The following RSU1 variants were observed in gnomAD, a reference collection of about 807,000 sequenced individuals.
RSU1 encodes rsu-1.
RSU1 carries 26 observed loss-of-function variants against 31.1 expected under a neutral mutation model. The ratio of observed to expected loss-of-function variants is 0.84; its 90% CI spans 0.61 to 1.16. The LOEUF is 1.16. Ranked by LOEUF, RSU1 falls within the 50% of genes most tolerant of loss-of-function variation. The pLI is 0.00. For missense variants in RSU1, 320 were observed against 339.1 expected, an observed-to-expected ratio of 0.94 and a Z score of 0.44; for synonymous variants, 164 against 136.3, an observed-to-expected ratio of 1.20 and a Z score of -1.41.
At chr10:16,750,361 C>T (rs1420069085) in intron 7 of RSU1, among the ~76,000 whole-genome samples, 3 of 152,040 alleles carry the variant, frequency 2.0e-5, no homozygotes, top group East Asian at 1.9e-4. Context: ...ACATACGGCT[C>T]GCAAAAATAA....
At chr10:16,647,404 G>A (rs1449844772) in intron 8 of RSU1, among the ~76,000 whole-genome samples, 3 of 152,112 alleles carry the variant, frequency 2.0e-5, no homozygotes, top group African/African-American at 2.4e-5. Context: ...CTAGGTACAC[G>A]CCCAAGACAA....
At chr10:16,652,898 G>C (rs1194212516) in intron 8 of RSU1, among the ~76,000 whole-genome samples, 1 of 151,794 alleles carries the variant, frequency 6.6e-6, no homozygotes, top group African/African-American at 2.4e-5. Context: ...AGGCTGGTTT[G>C]AAACTCTTAG....
intron 7 of RSU1, among the ~76,000 whole-genome samples, chr10:16,708,469 C>T (rs1358543553): frequency 6.6e-6 from 1 of 152,114 alleles, no homozygotes; most frequent in Non-Finnish European, 1.5e-5. Flanking sequence ...CAGTTTAAAT[C>T]TAAGTTCTTT....
intron 8 of RSU1, among the ~76,000 whole-genome samples, chr10:16,652,392 C>CAAAAAAAAAAA (rs71505091): frequency 2.2e-5 from 2 of 89,158 alleles, no homozygotes; most frequent in Non-Finnish European, 4.4e-5. Flanking sequence ...TGCCCCAAAG[C>CAAAAAAAAAAA]AAAAAAAAAA....
At chr10:16,720,685 G>C (rs1328932906) in intron 7 of RSU1, among the ~76,000 whole-genome samples, 2 of 152,228 alleles carry the variant, frequency 1.3e-5, no homozygotes, top group Non-Finnish European at 2.9e-5. Context: ...TGGATGTCTT[G>C]TGTGTATGTG....
chr10:16,802,610 A>ATC (rs1838181995), intron 2 of RSU1, among the ~76,000 whole-genome samples: 1 of 152,130 alleles, frequency 6.6e-6, no homozygotes, highest in African/African-American at 2.4e-5. Flanking sequence ...CTACAGACCA[A>ATC]TCTCTCTCAT....
At chr10:16,791,818 A>T (rs1204575175) in intron 2 of RSU1, among the ~76,000 whole-genome samples, 1 of 152,200 alleles carries the variant, frequency 6.6e-6, no homozygotes, top group African/African-American at 2.4e-5. Context: ...CAGCCCTGTA[A>T]GATGACATTA....
intron 2 of RSU1, among the ~76,000 whole-genome samples, chr10:16,800,141 G>C (rs1400868715): frequency 1.3e-5 from 2 of 152,128 alleles, no homozygotes; most frequent in Non-Finnish European, 2.9e-5. Flanking sequence ...CGCACTAAAA[G>C]CCTATTTACC....
At chr10:16,717,349 A>G (rs1265568218) in intron 7 of RSU1, among the ~76,000 whole-genome samples, 1 of 152,234 alleles carries the variant, frequency 6.6e-6, no homozygotes, top group East Asian at 1.9e-4. Flanking sequence ...AAAAACTGCA[A>G]CAACTGTAAC....
intron 2 of RSU1, among the ~76,000 whole-genome samples, chr10:16,788,980 GAA>G (rs1419959903): frequency 1.3e-5 from 2 of 152,106 alleles, no homozygotes; most frequent in Non-Finnish European, 2.9e-5. Context: ...GAAGTCAAAA[GAA>G]AACTGAAGGT....
intron 7 of RSU1, among the ~76,000 whole-genome samples, chr10:16,724,099 TC>T (rs1348665155): frequency 2.0e-5 from 3 of 151,846 alleles, no homozygotes; most frequent in Non-Finnish European, 2.9e-5. Flanking sequence ...TGCCACCATG[TC>T]CAGCTAATTT....
At chr10:16,667,492 AT>A (rs934434088) in intron 8 of RSU1, among the ~76,000 whole-genome samples, 188 of 146,218 alleles carry the variant, frequency 1.3e-3, no homozygotes, top group Middle Eastern at 3.6e-3. Context: ...TTATTTATTA[AT>A]TTTTTTTTTT....
intron 7 of RSU1, among the ~76,000 whole-genome samples, chr10:16,709,221 C>T (rs1835968261): frequency 6.6e-6 from 1 of 151,860 alleles, no homozygotes; most frequent in Non-Finnish European, 1.5e-5. Context: ...GTTCAATTCC[C>T]ATCTATGAGT....
chr10:16,807,875 T>A (rs948527280), intron 2 of RSU1, among the ~76,000 whole-genome samples: 3 of 151,704 alleles, frequency 2.0e-5, no homozygotes, highest in African/African-American at 7.3e-5. Flanking sequence ...TACAAAAAAT[T>A]AGCCGGGCTT....
intron 8 of RSU1, among the ~76,000 whole-genome samples, chr10:16,680,388 T>TA (rs1186128529): frequency 6.6e-6 from 1 of 151,708 alleles, no homozygotes; most frequent in Non-Finnish European, 1.5e-5. Context: ...AGAAGAAAAA[T>TA]AAAAAACAAG....
At chr10:16,615,723 A>G (rs1315712630) in intron 8 of RSU1, among the ~76,000 whole-genome samples, 1 of 152,172 alleles carries the variant, frequency 6.6e-6, no homozygotes, top group Non-Finnish European at 1.5e-5. Context: ...GGATTAAGAA[A>G]CACTCAAAAC....
intron 8 of RSU1, among the ~76,000 whole-genome samples, chr10:16,596,975 G>A (rs182742788): frequency 6.6e-6 from 1 of 152,198 alleles, no homozygotes; most frequent in Non-Finnish European, 1.5e-5. Flanking sequence ...CACCCACCTT[G>A]GAAAGGCTGG....
chr10:16,770,758 G>A (rs894361867), intron 3 of RSU1, among the ~76,000 whole-genome samples: 1 of 152,194 alleles, frequency 6.6e-6, no homozygotes, highest in African/African-American at 2.4e-5. Flanking sequence ...CACAGCCAGG[G>A]CCAGGACAGC....
intron 8 of RSU1, among the ~76,000 whole-genome samples, chr10:16,602,544 G>A (rs755322473): frequency 1.3e-5 from 2 of 152,208 alleles, no homozygotes; most frequent in Admixed American, 1.3e-4. Flanking sequence ...GGCAGGGAGT[G>A]CAGGCTTAAC....
Sources: gnomAD v4.1 joint callset for allele counts (sites outside exome capture counted in the v4.1 genomes callset) on GRCh38, gnomAD v4.1.1 for gene constraint, MANE v1.5 for transcripts, NCBI Gene and HGNC (gene_info 2026-07-23, HGNC 2026-07-21) for gene names.